The following PGGT1B variants were observed in gnomAD, a reference collection of about 807,000 sequenced individuals.
PGGT1B encodes protein geranylgeranyltransferase type I subunit beta.
Under a neutral mutation model 46.1 loss-of-function variants are expected in PGGT1B, and 30 were observed. That is an observed-to-expected ratio of 0.65 (90% CI 0.49 to 0.88). The LOEUF is 0.88. PGGT1B is among the 40% of genes least tolerant of loss of function. The pLI is 0.00. For synonymous variants in PGGT1B, 170 were observed against 160.0 expected, an observed-to-expected ratio of 1.06 and a Z score of -0.47; for missense variants, 376 against 455.9, an observed-to-expected ratio of 0.82 and a Z score of 1.60.
chr5:115,236,595 A>G, intron 4 of PGGT1B, 73 bp from the exon 5 acceptor site: 1 of 904,798 alleles, frequency 1.1e-6, no homozygotes, highest in Non-Finnish European at 1.6e-6. Context: ...GGTTAGAAAC[A>G]CCTCCTGCTT....
chr5:115,219,376 T>C (rs774685776), intron 7 of PGGT1B, among the ~76,000 whole-genome samples: 1 of 151,904 alleles, frequency 6.6e-6, no homozygotes, highest in Non-Finnish European at 1.5e-5. Context: ...CAAATGGTGC[T>C]AGGAAAATTA....
At chr5:115,227,275 C>T (rs1177622049) in intron 6 of PGGT1B, among the ~76,000 whole-genome samples, 1 of 152,164 alleles carries the variant, frequency 6.6e-6, no homozygotes, top group African/African-American at 2.4e-5. Context: ...TCTACTGTGT[C>T]AACTTGGCTA....
intron 6 of PGGT1B, among the ~76,000 whole-genome samples, chr5:115,224,849 A>G (rs1189676615): frequency 6.6e-6 from 1 of 151,940 alleles, no homozygotes; most frequent in Non-Finnish European, 1.5e-5. Flanking sequence ...AAAAAAAAAA[A>G]AAGTAGTAGT....
intron 2 of PGGT1B, 106 bp from the exon 3 acceptor site, chr5:115,241,712 AT>A (rs1757350338): frequency 2.8e-6 from 2 of 704,632 alleles, no homozygotes; most frequent in Non-Finnish European, 4.5e-6. Flanking sequence ...TTTAGTCTCC[AT>A]TTTCATACTG....
intron 6 of PGGT1B, among the ~76,000 whole-genome samples, chr5:115,230,388 C>A (rs1407376861): frequency 6.6e-6 from 1 of 151,996 alleles, no homozygotes; most frequent in Non-Finnish European, 1.5e-5. Flanking sequence ...TTATTTATCT[C>A]CAAATGGAAA....
At chr5:115,233,613 C>G (rs183030013) in intron 5 of PGGT1B, among the ~76,000 whole-genome samples, 63 of 149,132 alleles carry the variant, frequency 4.2e-4, no homozygotes, top group Admixed American at 3.4e-3. Context: ...CAAAGGCTAA[C>G]TCTGGCCTGC....
In PGGT1B at chr5:115,210,626, A is replaced by G. The variant is rs1053830794; in HGVS notation, c.*1776T>C. On this transcript the variant is annotated 3_prime_UTR_variant, in exon 9 of 9. Transcript: ENST00000419445. ...TTTTTCTCTAACATTTATGAATAAA[A>G]TCACTGTTACTACCTTTATTGCCTT... The G allele has an allele frequency of 6.6e-5, 10 of 152,248 alleles. 1 individual carries two copies. Among genetic ancestry groups the G allele is most frequent in the Admixed American group, 2.0e-4 (3 of 15,280 alleles). The allele number at this position is 152,248 out of a possible 1,614,324, so 9.4% of individuals were successfully genotyped here.
chr5:115,250,183 TC>T (rs1269288306), intron 2 of PGGT1B, among the ~76,000 whole-genome samples: 1 of 152,206 alleles, frequency 6.6e-6, no homozygotes, highest in East Asian at 1.9e-4. Context: ...GTTTAACATT[TC>T]TAGATGTTAT....
chr5:115,220,288 G>T (rs773835504), intron 7 of PGGT1B, among the ~76,000 whole-genome samples: 88 of 151,746 alleles, frequency 5.8e-4, no homozygotes, highest in Non-Finnish European at 1.5e-4. Context: ...ATTAAATTTT[G>T]ATATATGCCA....
chr5:115,245,725 C>CT (rs563336027), intron 2 of PGGT1B, among the ~76,000 whole-genome samples: 9 of 151,166 alleles, frequency 6.0e-5, no homozygotes, highest in East Asian at 3.9e-4. Context: ...AAATGTTTTT[C>CT]TTTTTTTTTC....
intron 2 of PGGT1B, among the ~76,000 whole-genome samples, chr5:115,252,135 T>A (rs1748128650): frequency 6.6e-6 from 1 of 152,118 alleles, no homozygotes; most frequent in African/African-American, 2.4e-5. Context: ...CTGTAACTAT[T>A]GACCAAACTT....
At position 115,238,291 on chromosome 5, in the gene PGGT1B, A is replaced by ATTTTTTTTTTT. The variant is rs35711954; in HGVS notation, c.328-293_328-283dup. ...AATTATGTATTACTTATTTTTTTGG[A>ATTTTTTTTTTT]TTTTTTTTTTTTTTTTTTTTTTTTT... On this transcript the variant is annotated intron_variant, in intron 3 of 8. Transcript: ENST00000419445. Among the ~76,000 whole-genome samples, 58 of 46,956 alleles carry ATTTTTTTTTTT rather than the reference A, an allele frequency of 1.2e-3. 7 individuals are homozygous for ATTTTTTTTTTT. The highest frequency in any genetic ancestry group is 2.9e-3 in the African/African-American group (38 of 12,882). 30.8% of individuals were successfully genotyped at this position (46,956 alleles called of 152,430 possible).
At chr5:115,230,455 C>T (rs1756941108) in intron 6 of PGGT1B, among the ~76,000 whole-genome samples, 1 of 151,970 alleles carries the variant, frequency 6.6e-6, no homozygotes, top group Non-Finnish European at 1.5e-5. Flanking sequence ...ACTATCACAT[C>T]ATTATTCTAG....
intron 6 of PGGT1B, among the ~76,000 whole-genome samples, chr5:115,223,061 T>C (rs1756636222): frequency 6.6e-6 from 1 of 151,618 alleles, no homozygotes; most frequent in Admixed American, 6.6e-5. Context: ...GGCACATGTA[T>C]ACATATGTAA....
At chr5:115,245,532 G>A (rs1747794996) in intron 2 of PGGT1B, among the ~76,000 whole-genome samples, 1 of 152,122 alleles carries the variant, frequency 6.6e-6, no homozygotes, top group Admixed American at 6.5e-5. Context: ...CATATTGCAA[G>A]TAATATACTT....
At chr5:115,258,525 C>T (rs1230814851) in intron 1 of PGGT1B, among the ~76,000 whole-genome samples, 2 of 152,216 alleles carry the variant, frequency 1.3e-5, no homozygotes, top group South Asian at 2.1e-4. Context: ...CTTCAGATTA[C>T]ATTCCTACCA....
chr5:115,219,234 C>T (rs1352924719), intron 7 of PGGT1B, among the ~76,000 whole-genome samples: 1 of 151,830 alleles, frequency 6.6e-6, no homozygotes, highest in South Asian at 2.1e-4. Context: ...CAGTATAGTA[C>T]TGGCACAAGG....
At chr5:115,233,026 A>G (rs1757045529) in intron 5 of PGGT1B, among the ~76,000 whole-genome samples, 1 of 152,020 alleles carries the variant, frequency 6.6e-6, no homozygotes, top group Non-Finnish European at 1.5e-5. Context: ...ATACTGCATT[A>G]CAATGAAGAG....
intron 1 of PGGT1B, among the ~76,000 whole-genome samples, chr5:115,261,619 T>G (rs1748558303): frequency 6.6e-6 from 1 of 152,108 alleles, no homozygotes. Flanking sequence ...AGTATAGAGG[T>G]AAACAAGATA....
Sources: allele counts gnomAD v4.1 joint callset (sites outside exome capture counted in the v4.1 genomes callset), GRCh38; gene constraint gnomAD v4.1.1; transcripts MANE v1.5; gene names NCBI Gene and HGNC (gene_info 2026-07-23, HGNC 2026-07-21).